CDK14: variants seen among roughly 807,000 people sequenced by gnomAD.
CDK14 encodes the protein cyclin-dependent kinase 14.
In CDK14, 34 loss-of-function variants were observed where a neutral mutation model predicts 60.7. That is an observed-to-expected ratio of 0.56 (90% confidence interval 0.43 to 0.75). CDK14 has a LOEUF of 0.75. Ranked by LOEUF, CDK14 falls within the 30% of genes least tolerant of loss-of-function variation. CDK14 has a pLI of 0.00. For synonymous variants in CDK14, 197 were observed against 203.7 expected (o/e 0.97, Z 0.28); for missense variants, 482 against 564.1 (o/e 0.85, Z 1.47).
intron 2 of CDK14, among the ~76,000 whole-genome samples, chr7:90,635,276 G>T (rs1206877318): frequency 5.9e-5 from 9 of 152,108 alleles, no homozygotes; most frequent in Non-Finnish European, 5.9e-5. Flanking sequence ...GGTCTAACAT[G>T]TAAGTCTTTA....
At chr7:90,955,672 T>G (rs763149657) in intron 8 of CDK14, 25 bp from the exon 9 acceptor site, 68 of 1,611,436 alleles carry the variant, frequency 4.2e-5, no homozygotes, top group Non-Finnish European at 5.2e-5. Flanking sequence ...CTGTTAAACT[T>G]CTTTATGTTT....
intron 2 of CDK14, among the ~76,000 whole-genome samples, chr7:90,678,221 C>T (rs762804484): frequency 2.0e-5 from 3 of 152,032 alleles, no homozygotes; most frequent in Non-Finnish European, 2.9e-5. Context: ...GGAGGATGGG[C>T]GGTTGGTGGG....
At chr7:90,806,440 T>C (rs1490013246) in intron 5 of CDK14, among the ~76,000 whole-genome samples, 1 of 152,216 alleles carries the variant, frequency 6.6e-6, no homozygotes, top group African/African-American at 2.4e-5. Flanking sequence ...ACAATTTTTT[T>C]AAATGGGGAA....
chr7:90,970,807 A>AT (rs1428301269), intron 9 of CDK14, among the ~76,000 whole-genome samples: 1 of 152,252 alleles, frequency 6.6e-6, no homozygotes, highest in South Asian at 2.1e-4. Flanking sequence ...TACTGAGTTG[A>AT]TTTTTTTATT....
chr7:90,983,387 G>A (rs1379898643), intron 9 of CDK14, among the ~76,000 whole-genome samples: 1 of 152,096 alleles, frequency 6.6e-6, no homozygotes, highest in Non-Finnish European at 1.5e-5. Context: ...AAAAAAGAAT[G>A]AAATAGTATT....
chr7:90,655,388 C>T (rs1800730428), intron 2 of CDK14, among the ~76,000 whole-genome samples: 1 of 151,688 alleles, frequency 6.6e-6, no homozygotes, highest in South Asian at 2.1e-4. Flanking sequence ...ATGTGAAGTT[C>T]GAGATGGTCT....
chr7:91,001,321 A>G (rs1795827393), intron 10 of CDK14, among the ~76,000 whole-genome samples: 1 of 152,196 alleles, frequency 6.6e-6, no homozygotes, highest in Admixed American at 6.5e-5. Flanking sequence ...TGTTCTACCA[A>G]AAATAATGAA....
chr7:90,743,316 A>G, intron 3 of CDK14, among the ~76,000 whole-genome samples: 1 of 152,150 alleles, frequency 6.6e-6, no homozygotes, highest in East Asian at 1.9e-4. Flanking sequence ...TTTAGCAGGA[A>G]TCCCAAATAG....
Position 90,726,749 on chromosome 7 carries a change from C to T in CDK14, c.306C>T (p.Asn102=), listed in dbSNP as rs747053349. 48 of 1,613,682 alleles carry T rather than the reference C, an allele frequency of 3.0e-5. No individual in the cohort carries two copies. Among genetic ancestry groups the T allele is most frequent in the Non-Finnish European group, 3.9e-5 (46 of 1,179,828 alleles). ...RVHSENNACI[N]FKTSSTGKES... ...ATTCTGAGAACAATGCTTGCATTAA[C>T]TTTAAGACCTCCTCCACTGGCAAAG... The change falls in exon 3 of 15, where the codon AAC becomes AAT. Residue 102 remains asparagine (N), a synonymous_variant. Transcript: ENST00000380050.
chr7:91,179,214 T>C (rs976976233), intron 14 of CDK14, among the ~76,000 whole-genome samples: 1 of 151,834 alleles, frequency 6.6e-6, no homozygotes, highest in Non-Finnish European at 1.5e-5. Context: ...GGGACATGGA[T>C]GAAACTGGAA....
chr7:90,826,047 A>C (rs550324451), intron 5 of CDK14, among the ~76,000 whole-genome samples: 2 of 152,318 alleles, frequency 1.3e-5, no homozygotes, highest in South Asian at 4.1e-4. Context: ...ATGCCAATTA[A>C]TTCCAGCTGT....
At chr7:90,805,626 TAAAG>T (rs958942180) in intron 5 of CDK14, among the ~76,000 whole-genome samples, 2 of 151,972 alleles carry the variant, frequency 1.3e-5, no homozygotes, top group East Asian at 1.9e-4. Context: ...TGGAAAGAAA[TAAAG>T]GAAGATTAAA....
intron 4 of CDK14, among the ~76,000 whole-genome samples, chr7:90,788,941 G>A (rs946309861): frequency 1.4e-5 from 2 of 147,462 alleles, no homozygotes; most frequent in East Asian, 1.9e-4. Context: ...GGAGAGGCAG[G>A]GGAGCTCTAT....
intron 14 of CDK14, among the ~76,000 whole-genome samples, chr7:91,147,741 C>T (rs959233673): frequency 2.0e-5 from 3 of 152,034 alleles, no homozygotes; most frequent in Non-Finnish European, 2.9e-5. Flanking sequence ...TTTCCCCCCT[C>T]CCCCCCATTA....
At chr7:90,862,189 A>T (rs1389544431) in intron 5 of CDK14, among the ~76,000 whole-genome samples, 2 of 152,234 alleles carry the variant, frequency 1.3e-5, no homozygotes, top group Non-Finnish European at 2.9e-5. Context: ...GTAACCCAAC[A>T]TATTAATATT....
chr7:90,631,474 T>A (rs1486777945), intron 2 of CDK14, among the ~76,000 whole-genome samples: 1 of 152,156 alleles, frequency 6.6e-6, no homozygotes, highest in Non-Finnish European at 1.5e-5. Flanking sequence ...AAGCAGAGTA[T>A]GTTTTACCTT....
At chr7:91,105,857 T>G (rs1486166934) in intron 12 of CDK14, among the ~76,000 whole-genome samples, 1 of 152,060 alleles carries the variant, frequency 6.6e-6, no homozygotes, top group East Asian at 1.9e-4. Flanking sequence ...AATAGGCAAA[T>G]TTGTCAAAGA....
At chr7:90,843,348 A>T (rs1790363409) in intron 5 of CDK14, among the ~76,000 whole-genome samples, 1 of 152,326 alleles carries the variant, frequency 6.6e-6, no homozygotes, top group African/African-American at 2.4e-5. Flanking sequence ...CTTGATTTTT[A>T]AAAAATTTTG....
chr7:90,604,794 T>C (rs1423613680), intron 2 of CDK14, among the ~76,000 whole-genome samples: 4 of 152,246 alleles, frequency 2.6e-5, no homozygotes, highest in African/African-American at 7.2e-5. Flanking sequence ...AGAGTTCATA[T>C]GTAATTAAAT....
Sources: gnomAD v4.1 joint callset for allele counts (sites outside exome capture counted in the v4.1 genomes callset) on GRCh38, gnomAD v4.1.1 for gene constraint, MANE v1.5 for transcripts, NCBI Gene and HGNC (gene_info 2026-07-23, HGNC 2026-07-21) for gene names.